Variants in QRSL1 observed in about 807,000 individuals in gnomAD.
QRSL1 encodes the protein glutaminyl-tRNA amidotransferase subunit QRSL1, also known as glutamyl-tRNA(Gln) amidotransferase subunit A, mitochondrial.
A neutral mutation model predicts 61.6 loss-of-function variants in QRSL1; 54 were observed. That is an observed-to-expected ratio of 0.88 (90% CI 0.70 to 1.10). QRSL1 has a LOEUF of 1.10. QRSL1 is among the 50% of genes least tolerant of loss of function. The pLI, the probability that QRSL1 is intolerant of heterozygous loss-of-function variation, is 0.00. For synonymous variants in QRSL1, 228 were observed against 225.7 expected (o/e 1.01, Z -0.09); for missense variants, 505 against 622.6 (o/e 0.81, Z 2.01).
chr6:106,661,151 G>A (rs984818972), intron 9 of QRSL1, among the ~76,000 whole-genome samples: 11 of 151,650 alleles, frequency 7.3e-5, no homozygotes, highest in South Asian at 2.1e-4. Context: ...TTGCTCTGTC[G>A]CCAGGCTGGA....
chr6:106,646,131 T>G (rs1368049696), intron 4 of QRSL1, among the ~76,000 whole-genome samples: 1 of 152,170 alleles, frequency 6.6e-6, no homozygotes. Context: ...GAAACAAGAG[T>G]CCTTGCGTGT....
chr6:106,633,020 G>C (rs1776861974), intron 1 of QRSL1, among the ~76,000 whole-genome samples: 1 of 152,112 alleles, frequency 6.6e-6, no homozygotes, highest in South Asian at 2.1e-4. Flanking sequence ...ACCTTTTTTA[G>C]TGCTACTTCT....
chr6:106,642,770 A>C, intron 3 of QRSL1: 1 of 740,122 alleles, frequency 1.4e-6, no homozygotes, highest in Non-Finnish European at 2.5e-6. Flanking sequence ...CCTGAAACGC[A>C]TTGAGGAAAA....
intron 7 of QRSL1, among the ~76,000 whole-genome samples, chr6:106,653,996 A>G (rs1777225269): frequency 6.6e-6 from 1 of 152,218 alleles, no homozygotes; most frequent in African/African-American, 2.4e-5. Context: ...TAACAAAATG[A>G]AGGATTATAA....
At chr6:106,632,269 C>T (rs912354653) in intron 1 of QRSL1, among the ~76,000 whole-genome samples, 1 of 152,206 alleles carries the variant, frequency 6.6e-6, no homozygotes, top group African/African-American at 2.4e-5. Flanking sequence ...CTGCAATAAA[C>T]ATGAGAGAGC....
chr6:106,662,221 G>A (rs933786172), intron 9 of QRSL1, among the ~76,000 whole-genome samples: 7 of 152,096 alleles, frequency 4.6e-5, no homozygotes, highest in Non-Finnish European at 7.4e-5. Context: ...ATAGTCTACC[G>A]CTGTCTATCT....
rs901619397 is a variant in QRSL1, at chr6:106,667,335, T to C, written c.*1333T>C. On this transcript the variant is annotated 3_prime_UTR_variant, in exon 11 of 11. Transcript: ENST00000369046. ...TTTGGGACCCTCGAGCCCAGAGATA[T>C]TAATGGATATCTGTATTCAATATTT... The C allele has an allele frequency of 2.0e-5, 3 of 152,204 alleles. No homozygotes were observed. The highest frequency in any genetic ancestry group is 2.0e-4 in the Admixed American group (3 of 15,282). 9.4% of individuals were successfully genotyped at this position (152,204 alleles called of 1,614,324 possible).
intron 9 of QRSL1, among the ~76,000 whole-genome samples, chr6:106,660,026 A>G (rs1243475906): frequency 6.6e-6 from 1 of 152,030 alleles, no homozygotes; most frequent in Non-Finnish European, 1.5e-5. Context: ...ACTCCCTTCT[A>G]TTCAGCACCC....
Position 106,654,848 on chromosome 6 carries a change from C to G in QRSL1, c.968C>G (p.Ser323Ter). 6.2e-7 allele frequency: 1 copy of G among 1,613,906 alleles called. No homozygotes were observed. The highest frequency in any genetic ancestry group is 8.5e-7 in the Non-Finnish European group (1 of 1,179,850). ...IEVSLPHTSYSIVCYHVLCTS... is the reference protein window; with the variant it reads ...IEVSLPHTSY Reference sequence around the variant, plus strand: ...GTATCCCTTCCTCACACCAGTTATTCAATTGTCTGCTACCATGTATTGTGC... The same window carrying G: ...GTATCCCTTCCTCACACCAGTTATTGAATTGTCTGCTACCATGTATTGTGC... The change falls in exon 8 of 11, where the codon TCA (serine) becomes TGA (stop). Residue 323 changes from serine to a stop codon, truncating the protein, a stop_gained. Transcript: ENST00000369046. LOFTEE classifies it high-confidence loss of function.
chr6:106,637,040 C>T (rs560568622), intron 1 of QRSL1, among the ~76,000 whole-genome samples: 1 of 152,298 alleles, frequency 6.6e-6, no homozygotes, highest in African/African-American at 2.4e-5. Flanking sequence ...GGCTGAAATC[C>T]ATGTGCTGCA....
intron 1 of QRSL1, among the ~76,000 whole-genome samples, chr6:106,637,486 A>ATC (rs1373390529): frequency 2.0e-5 from 3 of 152,112 alleles, no homozygotes; most frequent in African/African-American, 7.2e-5. Context: ...CAGGAAGGCT[A>ATC]TAGGTCAGCA....
chr6:106,638,090 A>G (rs894414234), intron 1 of QRSL1, among the ~76,000 whole-genome samples: 4 of 152,332 alleles, frequency 2.6e-5, no homozygotes, highest in African/African-American at 9.6e-5. Context: ...AAGGAGAGAA[A>G]GTGGCAAATG....
At position 106,665,966 on chromosome 6, in the gene QRSL1, A is replaced by G. The variant is rs140308108; in HGVS notation, c.1551A>G (p.Glu517=). Residue 517 remains glutamate, a synonymous_variant, in exon 11 of 11, where the codon GAA becomes GAG. Transcript: ENST00000369046. ...ELMDDCSAVL[E]NEKLASVSLK... ...TGGATGATTGTTCAGCAGTCCTTGA[A>G]AATGAAAAGTTAGCCTCTGTCTCTC... is the stretch of plus-strand genomic sequence containing the variant. 6.6e-5 allele frequency: 106 copies of G among 1,613,866 alleles called. No individual in the cohort carries two copies. The highest frequency in any genetic ancestry group is 8.6e-5 in the Non-Finnish European group (102 of 1,179,846).
chr6:106,651,137 T>A (rs1286887021), intron 5 of QRSL1, among the ~76,000 whole-genome samples: 1 of 152,198 alleles, frequency 6.6e-6, no homozygotes, highest in Non-Finnish European at 1.5e-5. Context: ...ATTACTCTAG[T>A]TATCTCATGT....
In QRSL1 at chr6:106,640,402, A is replaced by C; in HGVS notation, c.78A>C (p.Lys26Asn). 1 of 1,613,130 alleles carries C rather than the reference A, an allele frequency of 6.2e-7. No individual in the cohort carries two copies. The change falls in exon 2 of 11, where the codon AAA (lysine) becomes AAC (asparagine). Residue 26 changes from lysine (K) to asparagine (N), a missense_variant. Coordinates refer to ENST00000369046, the MANE Select transcript of QRSL1 (RefSeq NM_018292.5). ...TTACACCAACAGAGCTCTGTCAAAA[A>C]TGTCTCTCTCTTATCAAGAAGACCA... ...GQITPTELCQ[K>N]CLSLIKKTKF...
In QRSL1 at chr6:106,649,133, A is replaced by G. The variant is rs1188393274; in HGVS notation, c.489A>G (p.Ser163=). Residue 163 remains serine (S), a synonymous_variant, in exon 5 of 11, where the codon TCA becomes TCG. Coordinates refer to ENST00000369046, the MANE Select transcript of QRSL1 (RefSeq NM_018292.5). ...KQNPHSENED[S]DWLITGGSSG... ...ATCCCCACAGCGAGAATGAAGATTC[A>G]GACTGGCTGATAACTGGAGGAAGCT... The G allele has an allele frequency of 1.9e-6, 3 of 1,614,124 alleles. No homozygotes were observed. Among genetic ancestry groups the G allele is most frequent in the Non-Finnish European group, 2.5e-6 (3 of 1,180,042 alleles).
At chr6:106,634,891 G>C (rs2114697985) in intron 1 of QRSL1, among the ~76,000 whole-genome samples, 1 of 152,292 alleles carries the variant, frequency 6.6e-6, no homozygotes, top group South Asian at 2.1e-4. Flanking sequence ...TTGAGGAAAA[G>C]AGAAGAATCA....
At chr6:106,650,741 A>G (rs1777177708) in intron 5 of QRSL1, among the ~76,000 whole-genome samples, 1 of 152,228 alleles carries the variant, frequency 6.6e-6, no homozygotes, top group South Asian at 2.1e-4. Context: ...ACAATTGCAT[A>G]GGTATATATG....
chr6:106,642,456 CA>C, intron 3 of QRSL1: 1 of 637,032 alleles, frequency 1.6e-6, no homozygotes, highest in Non-Finnish European at 2.9e-6. Context: ...AGTAATTCAC[CA>C]AAATGATGAA....
Sources: gnomAD v4.1 joint callset for allele counts (sites outside exome capture counted in the v4.1 genomes callset) on GRCh38, gnomAD v4.1.1 for gene constraint, MANE v1.5 for transcripts, NCBI Gene and HGNC (gene_info 2026-07-23, HGNC 2026-07-21) for gene names.